GATA2: variants seen among roughly 807,000 people sequenced by gnomAD.
The protein encoded by GATA2 is endothelial transcription factor GATA-2.
GATA2 carries 6 observed loss-of-function variants against 35.7 expected under a neutral mutation model. That is an observed-to-expected ratio of 0.17 (90% CI 0.09 to 0.33). The LOEUF is 0.33. GATA2 is among the 10% of genes least tolerant of loss of function. The pLI is 1.00. For missense variants in GATA2, 541 were observed against 656.6 expected (o/e 0.82, Z 1.92); for synonymous variants, 313 against 274.9 (o/e 1.14, Z -1.37).
rs2068633510 is a variant in GATA2 at position 128,481,860 on chromosome 3, G to C, written c.1102C>G (p.Pro368Ala). ...TAGAGGCCACAGGCGTTGCAGACAG[G>C]GTCCCCGTTGGCGTTTCGGCGCCAT... ...TLWRRNANGDPVCNACGLYYK... is the reference protein window; with the variant it reads ...TLWRRNANGDAVCNACGLYYK... The change falls in exon 5 of 6, where the codon CCT becomes GCT. Residue 368 changes from proline (P) to alanine (A), a missense_variant. Pro to Ala is a conservative substitution (Grantham distance 27). Around this residue, in one of 5 missense-constraint regions of GATA2, gnomAD observed 23 missense variants for 67.2 expected, o/e 0.34. Transcript: ENST00000341105. 3 of 1,614,110 alleles carry C rather than the reference G, an allele frequency of 1.9e-6. No homozygotes were observed. Among genetic ancestry groups the C allele is most frequent in the Middle Eastern group, 3.3e-4 (2 of 6,062 alleles).
intron 5 of GATA2, among the ~76,000 whole-genome samples, chr3:128,481,575 C>A (rs138733932): frequency 7.2e-5 from 11 of 152,236 alleles, no homozygotes; most frequent in Non-Finnish European, 1.2e-4. Flanking sequence ...AGTCCTCCCC[C>A]CCACCCTGAC....
intron 3 of GATA2, 111 bp downstream of exon 3, chr3:128,485,616 C>T (rs1365909402): frequency 8.4e-6 from 11 of 1,317,060 alleles, no homozygotes; most frequent in Non-Finnish European, 1.1e-5. Flanking sequence ...GAGACATCAC[C>T]CATCCCCAGA....
chr3:128,491,995 G>C (rs2068773653), intron 1 of GATA2: 1 of 152,236 alleles, frequency 6.6e-6, no homozygotes, highest in South Asian at 2.1e-4. Flanking sequence ...GCTGCCGCAC[G>C]GGCCCTACCT....
chr3:128,487,113 G>T, intron 1 of GATA2, 37 bp from the exon 2 acceptor site: 2 of 1,194,290 alleles, frequency 1.7e-6, no homozygotes, highest in East Asian at 2.6e-5. Flanking sequence ...TGCCGCCAGC[G>T]CCTGACACCC....
chr3:128,484,128 G>C, intron 3 of GATA2, 123 bp from the exon 4 acceptor site: 1 of 1,254,382 alleles, frequency 8.0e-7, no homozygotes, highest in Admixed American at 2.2e-5. Context: ...GGTTGGCCTG[G>C]GCCTGGCTGC....
At chr3:128,486,718 C>T (rs1187382847) in intron 2 of GATA2, 85 bp downstream of exon 2, 16 of 1,318,930 alleles carry the variant, frequency 1.2e-5, no homozygotes, top group Non-Finnish European at 1.7e-5. Flanking sequence ...ATCCTACATC[C>T]GGGAAGCAAG....
chr3:128,488,744 G>T lies in GATA2; in HGVS notation c.-45-1668C>A, dbSNP rs185363833. ...AGGTGGCCTCTGGTGAGGGGGAGGC[G>T]GTGGTCTGAGGTCTCCGTCTTCTAA... On this transcript the variant is annotated intron_variant, in intron 1 of 5. Coordinates refer to ENST00000341105, the MANE Select transcript of GATA2 (RefSeq NM_032638.5). The surrounding 1 kb of genome is among the most constrained non-coding windows in gnomAD (Gnocchi z 5.8). Among the ~76,000 whole-genome samples the T allele has an allele frequency of 2.0e-5, 3 of 152,226 alleles. No individual in the cohort carries two copies. The highest frequency in any genetic ancestry group is 7.2e-5 in the African/African-American group (3 of 41,562).
chr3:128,487,149 C>A (rs1576750221), intron 1 of GATA2, 73 bp from the exon 2 acceptor site: 2 of 804,740 alleles, frequency 2.5e-6, no homozygotes, highest in Non-Finnish European at 3.8e-6. Flanking sequence ...CGAGGTGTCC[C>A]GCACGCCACG....
intron 4 of GATA2, 195 bp from the exon 5 acceptor site, chr3:128,482,139 A>G (rs1559985287): frequency 8.6e-6 from 6 of 695,810 alleles, no homozygotes; most frequent in Non-Finnish European, 1.4e-5. Context: ...AGAACTTTGG[A>G]ATAAAGAACT....
intron 1 of GATA2, chr3:128,489,792 A>C (rs1410117930): frequency 1.3e-5 from 2 of 152,210 alleles, no homozygotes; most frequent in African/African-American, 4.8e-5. Flanking sequence ...ACGATTCTTC[A>C]TCAACTCGTA....
At chr3:128,490,928 G>A (rs1454179703) in intron 1 of GATA2, among the ~76,000 whole-genome samples, 1 of 152,168 alleles carries the variant, frequency 6.6e-6, no homozygotes, top group East Asian at 1.9e-4. Flanking sequence ...GGAAATGCTG[G>A]CGCTGCCTTT....
chr3:128,482,274 C>T (rs149372499), intron 4 of GATA2, among the ~76,000 whole-genome samples: 1 of 152,308 alleles, frequency 6.6e-6, no homozygotes, highest in Non-Finnish European at 1.5e-5. Flanking sequence ...GAAGGGCTCT[C>T]TAGTAGCACA....
intron 1 of GATA2, among the ~76,000 whole-genome samples, chr3:128,491,074 G>C (rs1223589048): frequency 6.6e-6 from 1 of 152,128 alleles, no homozygotes; most frequent in Non-Finnish European, 1.5e-5. Context: ...GCCACCATTT[G>C]ACCTGGGTGC....
chr3:128,486,653 C>T, intron 2 of GATA2, 150 bp downstream of exon 2: 2 of 888,110 alleles, frequency 2.3e-6, no homozygotes, highest in Admixed American at 2.3e-5. Flanking sequence ...CCTCCCCAAT[C>T]GGCCGCTGCT....
chr3:128,486,104 T>C lies in GATA2; in HGVS notation c.494A>G (p.His165Arg), dbSNP rs1559987389. 6.2e-7 allele frequency: 1 copy of C among 1,613,164 alleles called. No homozygotes were observed. Among genetic ancestry groups the C allele is most frequent in the Non-Finnish European group, 8.5e-7 (1 of 1,179,794 alleles). Residue 165 changes from histidine to arginine, a missense_variant, in exon 3 of 6, where the codon CAC becomes CGC. His to Arg is a conservative substitution (Grantham distance 29). Coordinates refer to ENST00000341105, the MANE Select transcript of GATA2 (RefSeq NM_032638.5). Reference protein sequence around the residue: ...SVASLTPTAAHSGSHLFGFPP... With the variant: ...SVASLTPTAARSGSHLFGFPP... ...GAAGCCGAAAAGGTGGGAGCCAGAG[T>C]GGGCTGCTGTAGGGGTGAGGGAGGC...
chr3:128,482,126 C>T, intron 4 of GATA2, 182 bp from the exon 5 acceptor site: 1 of 765,700 alleles, frequency 1.3e-6, no homozygotes, highest in Non-Finnish European at 2.1e-6. Flanking sequence ...AGTCAAGACT[C>T]ACAGAACTTT....
In GATA2 at chr3:128,486,936, G is replaced by C; in HGVS notation, c.96C>G (p.Asn32Lys). The change falls in exon 2 of 6, where the codon AAC (asparagine) becomes AAG (lysine). Residue 32 changes from asparagine (N) to lysine (K), a missense_variant. Transcript: ENST00000341105. ...PDSHHPGLAH[N>K]YMEPAQLLPP... ...GCAGCAGCTGCGCGGGTTCCATGTAGTTGTGCGCCAGGCCCGGGTGGTGTG... is the reference window on the plus strand; with the variant it reads ...GCAGCAGCTGCGCGGGTTCCATGTACTTGTGCGCCAGGCCCGGGTGGTGTG... 2 of 1,613,108 alleles carry C rather than the reference G, an allele frequency of 1.2e-6. No homozygotes were observed. Among genetic ancestry groups the C allele is most frequent in the Non-Finnish European group, 1.7e-6 (2 of 1,179,658 alleles).
At chr3:128,483,218 T>A in intron 4 of GATA2, among the ~76,000 whole-genome samples, 1 of 152,336 alleles carries the variant, frequency 6.6e-6, no homozygotes, top group Non-Finnish European at 1.5e-5. Flanking sequence ...GTGGAGGGTA[T>A]TAGAAATTTC....
At position 128,479,518 on chromosome 3, in the gene GATA2, G is replaced by A; in HGVS notation, c.*1501C>T. 4.3e-6 allele frequency: 1 copy of A among 233,288 alleles called. No individual in the cohort carries two copies. The highest frequency in any genetic ancestry group is 8.5e-6 in the Non-Finnish European group (1 of 117,810). The allele number at this position is 233,288 out of a possible 1,614,324, so 14.5% of individuals were successfully genotyped here. ...TTTTTACAGACAATATATAAATGTT[G>A]TACATAATTAACAATAACTTAGTTC... On this transcript the variant is annotated 3_prime_UTR_variant, in exon 6 of 6. Coordinates refer to ENST00000341105, the MANE Select transcript of GATA2 (RefSeq NM_032638.5).
Sources: gnomAD v4.1 joint callset for allele counts (sites outside exome capture counted in the v4.1 genomes callset) on GRCh38, gnomAD v4.1.1 for gene constraint, gnomAD v4.1.1 regional missense constraint, Gnocchi (gnomAD v3.1) non-coding constraint, MANE v1.5 for transcripts, NCBI Gene and HGNC (gene_info 2026-07-23, HGNC 2026-07-21) for gene names.